Variants in LCOR observed in about 807,000 individuals in gnomAD.
LCOR encodes ligand-dependent corepressor.
Under a neutral mutation model 64.4 loss-of-function variants are expected in LCOR, and 14 were observed. The ratio of observed to expected loss-of-function variants is 0.22; its 90% CI spans 0.14 to 0.34. LCOR has a LOEUF of 0.34. Ranked by LOEUF, LCOR falls within the 10% of genes least tolerant of loss-of-function variation. The pLI is 1.00. For synonymous variants in LCOR, 643 were observed against 642.5 expected, an observed-to-expected ratio of 1.00 and a Z score of -0.01; for missense variants, 1,686 against 1,765.3, an observed-to-expected ratio of 0.96 and a Z score of 0.80.
chr10:96,871,057 ATG>A (rs1390913369), intron 2 of LCOR, among the ~76,000 whole-genome samples: 5 of 152,092 alleles, frequency 3.3e-5, no homozygotes, highest in African/African-American at 1.2e-4. Flanking sequence ...AGTTTCAAAT[ATG>A]TGTGTGTATA....
chr10:96,919,014 GAA>G (rs1225599444), intron 4 of LCOR, among the ~76,000 whole-genome samples: 1 of 152,140 alleles, frequency 6.6e-6, no homozygotes, highest in African/African-American at 2.4e-5. Flanking sequence ...AAAAACTACT[GAA>G]GTCTAGATAT....
intron 4 of LCOR, among the ~76,000 whole-genome samples, chr10:96,920,245 C>G (rs1847024540): frequency 6.6e-6 from 1 of 151,546 alleles, no homozygotes; most frequent in African/African-American, 2.4e-5. Flanking sequence ...TTGCAGTTCC[C>G]TAGTGATTCA....
chr10:96,904,350 G>A (rs1846691572), intron 2 of LCOR, among the ~76,000 whole-genome samples: 1 of 152,214 alleles, frequency 6.6e-6, no homozygotes, highest in African/African-American at 2.4e-5. Flanking sequence ...AGAGCTGTAG[G>A]AATGAGCAGG....
chr10:96,841,474 C>T (rs1160937820), intron 2 of LCOR, among the ~76,000 whole-genome samples: 1 of 151,008 alleles, frequency 6.6e-6, no homozygotes, highest in African/African-American at 2.5e-5. Context: ...AATTATCTTG[C>T]CTTAGCCTCC....
intron 4 of LCOR, among the ~76,000 whole-genome samples, chr10:96,933,872 A>G (rs899025042): frequency 3.9e-5 from 6 of 152,196 alleles, no homozygotes; most frequent in East Asian, 3.8e-4. Flanking sequence ...GGATTTTTCA[A>G]TATTGATTTC....
chr10:96,894,472 GA>G (rs1846503642), intron 2 of LCOR, among the ~76,000 whole-genome samples: 1 of 152,012 alleles, frequency 6.6e-6, no homozygotes, highest in African/African-American at 2.4e-5. Flanking sequence ...GAAAGGCATT[GA>G]AAAGGAGTGT....
Position 96,944,239 on chromosome 10 carries a change from A to C in LCOR, c.-57A>C. 1.0e-6 allele frequency: 1 copy of C among 985,730 alleles called. No individual in the cohort carries two copies. The highest frequency in any genetic ancestry group is 1.2e-6 in the Non-Finnish European group (1 of 829,874). The allele number at this position is 985,730 out of a possible 1,614,324, so 61.1% of individuals were successfully genotyped here. ...AGAATTCCTCAATGCAGTCTTTTATAGAAAAGGTTGGTTTCAGTGAAGATG... is the reference window on the plus strand; with the variant it reads ...AGAATTCCTCAATGCAGTCTTTTATCGAAAAGGTTGGTTTCAGTGAAGATG... On this transcript the variant is annotated 5_prime_UTR_variant, in exon 5 of 8. Transcript: ENST00000421806.
intron 7 of LCOR, among the ~76,000 whole-genome samples, chr10:96,965,809 G>T (rs1847943745): frequency 6.6e-6 from 1 of 151,776 alleles, no homozygotes; most frequent in South Asian, 2.1e-4. Flanking sequence ...ACTTAATCAA[G>T]ATTTTTTAAG....
intron 2 of LCOR, among the ~76,000 whole-genome samples, chr10:96,876,067 A>G (rs774145822): frequency 4.6e-5 from 7 of 151,518 alleles, no homozygotes; most frequent in Non-Finnish European, 7.4e-5. Context: ...TTTTTCCCCT[A>G]TCATATTGTC....
In LCOR at chr10:96,940,244, G is replaced by A. The variant is rs181240854; in HGVS notation, c.-183-3869G>A. On this transcript the variant is annotated intron_variant, in intron 4 of 7. Coordinates refer to ENST00000421806, the MANE Select transcript of LCOR (RefSeq NM_001346516.2). The stretch of plus-strand genomic sequence containing the variant: ...TTCAGCTTTCCTCAAAATAGTTAAC[G>A]TGATACGGAAATTTATAAAAGAATG... Among the ~76,000 whole-genome samples the A allele has an allele frequency of 7.3e-5, 11 of 149,756 alleles. 1 individual carries two copies. The highest frequency in any genetic ancestry group is 3.9e-4 in the East Asian group (2 of 5,096).
At chr10:96,971,646 C>T (rs1240874283) in intron 7 of LCOR, among the ~76,000 whole-genome samples, 2 of 152,122 alleles carry the variant, frequency 1.3e-5, no homozygotes, top group African/African-American at 2.4e-5. Context: ...GGGTTTCATG[C>T]AGGAAAGTAA....
chr10:96,958,602 A>G (rs1847821218), intron 7 of LCOR: 1 of 612,162 alleles, frequency 1.6e-6, no homozygotes, highest in African/African-American at 1.8e-5. Flanking sequence ...TTCTCAGATT[A>G]AAAGTCCTGA....
chr10:96,833,468 C>T lies in LCOR; in HGVS notation c.-341C>T, dbSNP rs1845383760. ...AAGGGCTTAACTCATATATTTAACC[C>T]CCCTCCAAAAAGTAAGTGGCCCGTG... On this transcript the variant is annotated 5_prime_UTR_variant, in exon 2 of 8. Coordinates refer to ENST00000421806, the MANE Select transcript of LCOR (RefSeq NM_001346516.2). The T allele has an allele frequency of 5.5e-5, 54 of 985,826 alleles. No individual in the cohort carries two copies. The highest frequency in any genetic ancestry group is 6.3e-5 in the Non-Finnish European group (52 of 829,986). 61.1% of individuals were successfully genotyped at this position (985,826 alleles called of 1,614,324 possible).
At chr10:96,926,165 C>G (rs982196064) in intron 4 of LCOR, among the ~76,000 whole-genome samples, 26 of 152,290 alleles carry the variant, frequency 1.7e-4, no homozygotes, top group Middle Eastern at 3.4e-3. Flanking sequence ...ACACATACCC[C>G]CTTTTTTGCC....
rs190295734 is a variant in LCOR at position 96,923,689 on chromosome 10, A to G, written c.-184+15942A>G. Among the ~76,000 whole-genome samples the G allele has an allele frequency of 3.3e-5, 5 of 152,344 alleles. No homozygotes were observed. The East Asian group carries it at 5.8e-4, about 18-fold the overall frequency. The stretch of plus-strand genomic sequence containing the variant: ...TTAACTATTTATTGCCTTAAGGACT[A>G]GATTCCATGCTGACATAATTTTGTA... On this transcript the variant is annotated intron_variant, in intron 4 of 7. Transcript: ENST00000421806.
chr10:96,834,451 A>C (rs974900895), intron 2 of LCOR, among the ~76,000 whole-genome samples: 3 of 152,160 alleles, frequency 2.0e-5, no homozygotes, highest in African/African-American at 4.8e-5. Flanking sequence ...TTATTCTTTC[A>C]AAGTATTATT....
rs370186306 is a variant in LCOR, at chr10:96,927,767, T to C, written c.-183-16346T>C. Among the ~76,000 whole-genome samples the C allele has an allele frequency of 4.5e-4, 69 of 152,328 alleles. 1 individual carries two copies. The South Asian group carries it at 0.014, about 31-fold the overall frequency. Reference sequence around the variant, plus strand: ...ACATCTTTGTTTGGTCATTTGACCATATACATGTTGGTATATTTCTGGACC... The same window carrying C: ...ACATCTTTGTTTGGTCATTTGACCACATACATGTTGGTATATTTCTGGACC... On this transcript the variant is annotated intron_variant, in intron 4 of 7. Coordinates refer to ENST00000421806, the MANE Select transcript of LCOR (RefSeq NM_001346516.2).
chr10:96,877,694 C>T (rs1380176678), intron 2 of LCOR, among the ~76,000 whole-genome samples: 2 of 136,316 alleles, frequency 1.5e-5, no homozygotes, highest in African/African-American at 5.3e-5. Flanking sequence ...TCACTGCAAG[C>T]TCAGCCTCCC....
chr10:96,881,259 T>C (rs1377046454), intron 2 of LCOR, among the ~76,000 whole-genome samples: 1 of 152,244 alleles, frequency 6.6e-6, no homozygotes, highest in Non-Finnish European at 1.5e-5. Context: ...GAGATAGTAA[T>C]AGTACCTATC....
Sources: gnomAD v4.1 joint callset for allele counts (sites outside exome capture counted in the v4.1 genomes callset) on GRCh38, gnomAD v4.1.1 for gene constraint, MANE v1.5 for transcripts, NCBI Gene and HGNC (gene_info 2026-07-23, HGNC 2026-07-21) for gene names.